Variants in EYS observed in about 807,000 individuals in gnomAD.
EYS encodes EGF-like photoreceptor maintenance factor.
In EYS, 250 loss-of-function variants were observed where a neutral mutation model predicts 282.1. The ratio of observed to expected loss-of-function variants is 0.89; its 90% CI spans 0.80 to 0.98. EYS has a LOEUF of 0.98. Among genes scored for constraint, EYS ranks in the 50% least tolerant of loss-of-function variants. The pLI is 0.00. For synonymous variants in EYS, 1,355 were observed against 1,282.9 expected (o/e 1.06, Z -1.20); for missense variants, 4,016 against 3,709.0 (o/e 1.08, Z -2.15).
chr6:65,321,340 T>G (rs369593471), intron 11 of EYS, among the ~76,000 whole-genome samples: 221 of 151,736 alleles, frequency 1.5e-3, no homozygotes, highest in African/African-American at 5.2e-3. Flanking sequence ...AGGGTTGCAG[T>G]TGGAGGGAAA....
chr6:64,789,452 T>C (rs1457132383), intron 22 of EYS, among the ~76,000 whole-genome samples: 1 of 152,140 alleles, frequency 6.6e-6, no homozygotes, highest in African/African-American at 2.4e-5. Context: ...TTAATGTACT[T>C]ACAAGTCTAT....
intron 31 of EYS, among the ~76,000 whole-genome samples, chr6:64,152,681 A>C (rs1322614528): frequency 1.3e-5 from 2 of 152,176 alleles, no homozygotes; most frequent in Non-Finnish European, 2.9e-5. Flanking sequence ...TTTCTTGCTA[A>C]GACTTTGGAA....
At chr6:65,522,058 T>C (rs1373226927) in intron 2 of EYS, among the ~76,000 whole-genome samples, 1 of 152,186 alleles carries the variant, frequency 6.6e-6, no homozygotes, top group Non-Finnish European at 1.5e-5. Context: ...ATTACAATTC[T>C]ATCAAATCTT....
chr6:64,447,533 T>C (rs1582764250), intron 26 of EYS, among the ~76,000 whole-genome samples: 1 of 152,174 alleles, frequency 6.6e-6, no homozygotes, highest in Admixed American at 6.5e-5. Context: ...AATATATTTG[T>C]TTCTTTAATA....
intron 15 of EYS, among the ~76,000 whole-genome samples, chr6:64,925,573 C>T (rs1285972612): frequency 6.6e-6 from 1 of 152,114 alleles, no homozygotes; most frequent in Non-Finnish European, 1.5e-5. Flanking sequence ...GTACTTGTGT[C>T]AGCAGATACT....
chr6:64,954,349 T>C (rs1164548086), intron 14 of EYS, among the ~76,000 whole-genome samples: 1 of 152,112 alleles, frequency 6.6e-6, no homozygotes, highest in Non-Finnish European at 1.5e-5. Flanking sequence ...AAATAACTCA[T>C]CTGTCATTGA....
chr6:65,688,895 G>C (rs529490022), intron 1 of EYS, among the ~76,000 whole-genome samples: 71 of 151,886 alleles, frequency 4.7e-4, no homozygotes, highest in African/African-American at 1.7e-3. Context: ...AGAGGATGTG[G>C]AGAAATAGGA....
intron 26 of EYS, among the ~76,000 whole-genome samples, chr6:64,461,788 A>G (rs1053902899): frequency 5.3e-5 from 8 of 152,174 alleles, no homozygotes; most frequent in Admixed American, 5.2e-4. Context: ...ATATGATAAT[A>G]TGTCTATATA....
At chr6:65,229,431 C>T (rs931226158) in intron 12 of EYS, among the ~76,000 whole-genome samples, 3 of 151,622 alleles carry the variant, frequency 2.0e-5, no homozygotes, top group African/African-American at 4.8e-5. Context: ...CAAAAAAGAG[C>T]TTTTGGTCCT....
intron 22 of EYS, among the ~76,000 whole-genome samples, chr6:64,744,827 AT>A (rs1411303909): frequency 6.6e-6 from 1 of 152,204 alleles, no homozygotes. Flanking sequence ...TGCTAAAAAA[AT>A]AATATTTGAC....
chr6:64,281,057 G>A (rs1005402011), intron 30 of EYS, among the ~76,000 whole-genome samples: 1 of 152,058 alleles, frequency 6.6e-6, no homozygotes, highest in Non-Finnish European at 1.5e-5. Context: ...GAAGGACAAT[G>A]TATGTTTCTG....
chr6:64,614,996 G>T (rs1023619400), intron 24 of EYS, among the ~76,000 whole-genome samples: 1 of 152,090 alleles, frequency 6.6e-6, no homozygotes, highest in African/African-American at 2.4e-5. Flanking sequence ...AGTTGACAGA[G>T]AAATGAGCAA....
Position 64,267,749 on chromosome 6 carries a change from A to G in EYS, c.6192-36925T>C, listed in dbSNP as rs550780537. Among the ~76,000 whole-genome samples, 11 of 152,254 alleles carry G rather than the reference A, an allele frequency of 7.2e-5. 1 individual carries two copies. In the South Asian group the frequency reaches 1.9e-3, roughly 26 times the overall value. On this transcript the variant is annotated intron_variant, in intron 30 of 42. Transcript: ENST00000503581. ...TCAATATAAATTAACCAAAAAGCCA[A>G]TGAAAAAATAACCAAAGGTCAGAAC...
chr6:63,933,243 A>AT (rs1377399013), intron 35 of EYS, among the ~76,000 whole-genome samples: 2 of 151,792 alleles, frequency 1.3e-5, no homozygotes, highest in African/African-American at 2.4e-5. Flanking sequence ...ATTTAGTTTT[A>AT]TTTTTTTGAG....
intron 24 of EYS, among the ~76,000 whole-genome samples, chr6:64,616,962 C>T (rs956609192): frequency 6.6e-5 from 10 of 151,948 alleles, no homozygotes; most frequent in African/African-American, 2.4e-4. Context: ...ATTTCTAGTG[C>T]TAATGGAGTT....
intron 2 of EYS, among the ~76,000 whole-genome samples, chr6:65,618,224 G>A (rs1766295727): frequency 6.6e-6 from 1 of 152,212 alleles, no homozygotes; most frequent in Non-Finnish European, 1.5e-5. Context: ...GTTGTTTCCT[G>A]AATTTTTAAT....
At chr6:64,903,251 C>T (rs1228638167) in intron 16 of EYS, among the ~76,000 whole-genome samples, 1 of 152,016 alleles carries the variant, frequency 6.6e-6, no homozygotes, top group Non-Finnish European at 1.5e-5. Flanking sequence ...CTAGTTCAAA[C>T]ATGTAAGAAA....
intron 26 of EYS, among the ~76,000 whole-genome samples, chr6:64,458,691 A>T (rs376508056): frequency 6.6e-6 from 1 of 151,912 alleles, no homozygotes; most frequent in Non-Finnish European, 1.5e-5. Context: ...TTAATGGGAT[A>T]TTTGCATATT....
At chr6:63,830,288 T>A (rs1771592772) in intron 36 of EYS, among the ~76,000 whole-genome samples, 1 of 152,202 alleles carries the variant, frequency 6.6e-6, no homozygotes, top group African/African-American at 2.4e-5. Flanking sequence ...AAGGAGGACA[T>A]TCGAACCTAT....
Sources: gnomAD v4.1 joint callset for allele counts (sites outside exome capture counted in the v4.1 genomes callset) on GRCh38, gnomAD v4.1.1 for gene constraint, MANE v1.5 for transcripts, NCBI Gene and HGNC (gene_info 2026-07-23, HGNC 2026-07-21) for gene names.